PDE1A: variants seen among roughly 807,000 people sequenced by gnomAD.
The protein encoded by PDE1A is phosphodiesterase 1A, also known as dual specificity calcium/calmodulin-dependent 3',5'-cyclic nucleotide phosphodiesterase 1A.
Under a neutral mutation model 61.7 loss-of-function variants are expected in PDE1A, and 35 were observed. The observed-to-expected ratio is 0.57, with a 90% CI of 0.43 to 0.75. PDE1A has a LOEUF of 0.75. Among genes scored for constraint, PDE1A ranks in the 30% least tolerant of loss-of-function variants. The pLI is 0.00. For synonymous variants in PDE1A, 232 were observed against 213.2 expected (o/e 1.09, Z -0.77); for missense variants, 597 against 630.6 (o/e 0.95, Z 0.57).
the PDE1A span, among the ~76,000 whole-genome samples, chr2:182,683,031 CATATATGAATTGCATTGGA>C: frequency 2.6e-5 from 4 of 151,328 alleles, no homozygotes; most frequent in African/African-American, 9.7e-5. Flanking sequence ...TATGATCAAA[CATATATGAATTGCATTGGA>C]ATATATGAAT....
intron 2 of PDE1A, among the ~76,000 whole-genome samples, chr2:182,481,243 G>A (rs1443339159): frequency 7.9e-5 from 12 of 151,798 alleles, no homozygotes; most frequent in Admixed American, 7.9e-4. Context: ...AGGGACAATT[G>A]TAAAAAAGCA....
intron 13 of PDE1A, among the ~76,000 whole-genome samples, chr2:182,147,372 C>G (rs1364178743): frequency 6.6e-6 from 1 of 152,116 alleles, no homozygotes; most frequent in African/African-American, 2.4e-5. Flanking sequence ...CTTTCTCAAG[C>G]TGTGATTTAA....
upstream of PDE1A, among the ~76,000 whole-genome samples, chr2:182,430,195 G>A (rs375447306): frequency 9.7e-4 from 145 of 149,600 alleles, no homozygotes; most frequent in African/African-American, 3.2e-3. Context: ...GAAAATTTTC[G>A]CAACCTACTC....
intron 2 of PDE1A, among the ~76,000 whole-genome samples, chr2:182,241,009 T>C (rs890700410): frequency 6.6e-6 from 1 of 152,008 alleles, no homozygotes; most frequent in Non-Finnish European, 1.5e-5. Context: ...ATCAACCCAG[T>C]GAGTGAGGTA....
At chr2:182,432,423 C>T (rs924710588) in intron 2 of PDE1A, among the ~76,000 whole-genome samples, 3 of 150,822 alleles carry the variant, frequency 2.0e-5, no homozygotes, top group Admixed American at 6.6e-5. Context: ...TTGAGCTTTG[C>T]TGTTGTTGTT....
chr2:182,201,654 AAAAAAAAAACAAC>A (rs752615503), intron 9 of PDE1A, 21 bp downstream of exon 9: 3 of 1,549,290 alleles, frequency 1.9e-6, no homozygotes, highest in Non-Finnish European at 1.7e-6. Context: ...ACATGACAAA[AAAAAAAAAACAAC>A]AAAAAAAACA....
chr2:182,164,819 A>C (rs1333307329), downstream of PDE1A, among the ~76,000 whole-genome samples: 2 of 152,144 alleles, frequency 1.3e-5, no homozygotes. Context: ...ACTGGCATAG[A>C]CACTTAGTAT....
At chr2:182,157,757 T>C (rs1691174744) in intron 13 of PDE1A, among the ~76,000 whole-genome samples, 1 of 152,228 alleles carries the variant, frequency 6.6e-6, no homozygotes. Context: ...ATATCCCTGA[T>C]GGTATTTTGT....
the PDE1A span, among the ~76,000 whole-genome samples, chr2:182,608,901 G>C: frequency 6.6e-6 from 1 of 152,204 alleles, no homozygotes; most frequent in Non-Finnish European, 1.5e-5. Flanking sequence ...GTCTAGCTAA[G>C]GGATTGTAAA....
intron 2 of PDE1A, among the ~76,000 whole-genome samples, chr2:182,433,546 T>C (rs373342682): frequency 3.2e-4 from 49 of 152,178 alleles, no homozygotes; most frequent in African/African-American, 1.1e-3. Context: ...GTGAACAAAG[T>C]CTGGCTTTCA....
intron 2 of PDE1A, among the ~76,000 whole-genome samples, chr2:182,245,585 T>C (rs1214725957): frequency 6.6e-6 from 1 of 152,200 alleles, no homozygotes; most frequent in Non-Finnish European, 1.5e-5. Flanking sequence ...TTCCAGACCA[T>C]CAGATACTTA....
chr2:182,242,557 C>A (rs767696351), intron 2 of PDE1A, among the ~76,000 whole-genome samples: 11 of 152,124 alleles, frequency 7.2e-5, no homozygotes, highest in Non-Finnish European at 1.3e-4. Flanking sequence ...GGTCAAACAC[C>A]AATTTAAATG....
the PDE1A span, among the ~76,000 whole-genome samples, chr2:182,554,856 G>A: frequency 9.7e-4 from 148 of 152,202 alleles, no homozygotes; most frequent in Middle Eastern, 3.4e-3. Flanking sequence ...TTAGCAAAAC[G>A]AAGTCAGTAT....
At chr2:182,548,244 A>C in the PDE1A span, among the ~76,000 whole-genome samples, 1 of 152,206 alleles carries the variant, frequency 6.6e-6, no homozygotes. Flanking sequence ...GCTGTTACTA[A>C]CAGGAAACAG....
intron 1 of PDE1A, among the ~76,000 whole-genome samples, chr2:182,388,911 G>GA (rs1190041650): frequency 1.3e-5 from 2 of 151,634 alleles, no homozygotes; most frequent in East Asian, 3.9e-4. Context: ...GCTAGACTAA[G>GA]AAAAAAAGAG....
chr2:182,683,784 G>T, the PDE1A span, among the ~76,000 whole-genome samples: 1 of 152,100 alleles, frequency 6.6e-6, no homozygotes, highest in African/African-American at 2.4e-5. Flanking sequence ...TATGATAACA[G>T]CATCTATTGG....
At chr2:182,507,951 A>G (rs1434729086) in intron 2 of PDE1A, among the ~76,000 whole-genome samples, 5 of 152,184 alleles carry the variant, frequency 3.3e-5, no homozygotes, top group African/African-American at 1.2e-4. Context: ...AGTAAGGCAG[A>G]ATAAACTATA....
rs766093393 is a variant in PDE1A, at chr2:182,292,737, TTCTC to T, written c.54-28327_54-28324del. On this transcript the variant is annotated intron_variant, in intron 1 of 13. Transcript: ENST00000351439. ...AACATAAATTAAGTAGTAAAACTCTTTCTCTATCTCCTCTCTCTTTCTTACCTTT... is the reference window on the plus strand; with the variant it reads ...AACATAAATTAAGTAGTAAAACTCTTTATCTCCTCTCTCTTTCTTACCTTT... Among the ~76,000 whole-genome samples the T allele has an allele frequency of 3.9e-5, 6 of 152,194 alleles. No homozygotes were observed. The South Asian group carries it at 1.0e-3, about 26-fold the overall frequency.
intron 1 of PDE1A, among the ~76,000 whole-genome samples, chr2:182,362,854 A>T (rs562447077): frequency 2.3e-4 from 35 of 152,126 alleles, no homozygotes; most frequent in Admixed American, 2.1e-3. Flanking sequence ...AGAAAATGTG[A>T]TACATATACA....
Sources: allele counts gnomAD v4.1 joint callset (sites outside exome capture counted in the v4.1 genomes callset), GRCh38; gene constraint gnomAD v4.1.1; transcripts MANE v1.5; gene names NCBI Gene and HGNC (gene_info 2026-07-23, HGNC 2026-07-21).